The following SLCO1A2 variants were observed in gnomAD, a reference collection of about 807,000 sequenced individuals.
The protein encoded by SLCO1A2 is solute carrier organic anion transporter family member 1A2.
In SLCO1A2, 67 loss-of-function variants were observed where a neutral mutation model predicts 69.0. The observed-to-expected ratio is 0.97, with a 90% CI of 0.80 to 1.19. The LOEUF (loss-of-function observed/expected upper bound fraction) is 1.19, where lower values mean the gene tolerates loss of function less well. Among genes scored for constraint, SLCO1A2 ranks in the 50% most tolerant of loss-of-function variants. The probability of loss-of-function intolerance (pLI) is 0.00; values close to 1 mark genes in which losing one functional copy is unlikely to be tolerated. For synonymous variants in SLCO1A2, 260 were observed against 265.9 expected, an observed-to-expected ratio of 0.98 and a Z score of 0.22; for missense variants, 787 against 793.7, an observed-to-expected ratio of 0.99 and a Z score of 0.10.
At chr12:21,338,403 G>A (rs1490849703), upstream of SLCO1A2, among the ~76,000 whole-genome samples, 1 of 151,680 alleles carries the variant, frequency 6.6e-6, no homozygotes, top group Non-Finnish European at 1.5e-5. Context: ...GATCATCCTG[G>A]CCTTCAGTCA....
At chr12:21,407,372 T>C (rs1941837754) in intron 1 of SLCO1A2, among the ~76,000 whole-genome samples, 1 of 152,174 alleles carries the variant, frequency 6.6e-6, no homozygotes, top group African/African-American at 2.4e-5. Context: ...CAAGATGCAG[T>C]TGGAGCGTTG....
intron 9 of SLCO1A2, 44 bp downstream of exon 9, chr12:21,297,360 T>TG (rs761983636): frequency 3.2e-5 from 49 of 1,525,846 alleles, no homozygotes; most frequent in Middle Eastern, 1.7e-4. Context: ...ACACTGTTCG[T>TG]GGGGGGGAAA....
intron 13 of SLCO1A2, 118 bp from the exon 14 acceptor site, chr12:21,274,704 G>T: frequency 2.6e-6 from 2 of 770,644 alleles, no homozygotes; most frequent in East Asian, 2.6e-5. Context: ...AAATCTAATG[G>T]TCTAAATTTT....
At chr12:21,379,183 G>C (rs1478662198) in intron 1 of SLCO1A2, 1 of 152,204 alleles carries the variant, frequency 6.6e-6, no homozygotes, top group Non-Finnish European at 1.5e-5. Flanking sequence ...TGAAATGACA[G>C]AATGCTGTTT....
chr12:21,391,632 G>A (rs1024323706), intron 1 of SLCO1A2, among the ~76,000 whole-genome samples: 3 of 151,814 alleles, frequency 2.0e-5, no homozygotes, highest in African/African-American at 7.3e-5. Context: ...AAAGAAGCTA[G>A]TTCTTCCTCC....
intron 2 of SLCO1A2, among the ~76,000 whole-genome samples, chr12:21,329,241 T>C (rs1039719437): frequency 6.6e-6 from 1 of 152,212 alleles, no homozygotes; most frequent in African/African-American, 2.4e-5. Flanking sequence ...ACAATTACTT[T>C]GCATTATACC....
chr12:21,417,010 T>C (rs1390479771), intron 1 of SLCO1A2, among the ~76,000 whole-genome samples: 1 of 152,138 alleles, frequency 6.6e-6, no homozygotes, highest in Admixed American at 6.5e-5. Context: ...ATTGAGAATG[T>C]TGAGTCTTTG....
At chr12:21,313,204 A>G (rs971755184) in intron 4 of SLCO1A2, among the ~76,000 whole-genome samples, 2 of 152,230 alleles carry the variant, frequency 1.3e-5, no homozygotes, top group African/African-American at 4.8e-5. Context: ...ATACAAAAAT[A>G]ATGCAAAAGT....
At chr12:21,416,121 A>T (rs1296212794) in intron 1 of SLCO1A2, among the ~76,000 whole-genome samples, 1 of 152,076 alleles carries the variant, frequency 6.6e-6, no homozygotes, top group East Asian at 1.9e-4. Flanking sequence ...TTAATTTTTT[A>T]TAACTTCTAA....
intron 3 of SLCO1A2, among the ~76,000 whole-genome samples, chr12:21,315,353 T>C (rs1401927760): frequency 2.0e-5 from 3 of 152,214 alleles, no homozygotes; most frequent in Non-Finnish European, 2.9e-5. Flanking sequence ...GACGAAGCTT[T>C]AGAATAAAGA....
intron 6 of SLCO1A2, among the ~76,000 whole-genome samples, chr12:21,301,546 T>G (rs1948717025): frequency 6.6e-6 from 1 of 152,262 alleles, no homozygotes; most frequent in East Asian, 1.9e-4. Flanking sequence ...GCACAGGCAG[T>G]CCCAGCTGGG....
upstream of SLCO1A2, among the ~76,000 whole-genome samples, chr12:21,338,545 G>A (rs376263858): frequency 1.9e-4 from 29 of 151,856 alleles, no homozygotes; most frequent in South Asian, 6.0e-3. Flanking sequence ...GCTATATTCG[G>A]AATTGAGCCC....
chr12:21,394,501 C>A (rs1333942281), intron 1 of SLCO1A2, among the ~76,000 whole-genome samples: 1 of 148,794 alleles, frequency 6.7e-6, no homozygotes, highest in Non-Finnish European at 1.5e-5. Context: ...GTGATCGTAC[C>A]ACCACACTCC....
chr12:21,282,274 T>A (rs1052259484), intron 12 of SLCO1A2, among the ~76,000 whole-genome samples: 3 of 152,094 alleles, frequency 2.0e-5, no homozygotes, highest in African/African-American at 2.4e-5. Context: ...CAAGAATAGT[T>A]CAACATATGC....
chr12:21,299,751 G>C (rs1948301344), intron 8 of SLCO1A2, among the ~76,000 whole-genome samples: 1 of 134,730 alleles, frequency 7.4e-6, no homozygotes, highest in African/African-American at 2.7e-5. Flanking sequence ...TGAGCAAATG[G>C]GACCATATAT....
At chr12:21,401,655 T>G (rs1274172226) in intron 1 of SLCO1A2, among the ~76,000 whole-genome samples, 1 of 151,870 alleles carries the variant, frequency 6.6e-6, no homozygotes, top group Non-Finnish European at 1.5e-5. Flanking sequence ...TTATTTCTAC[T>G]TTTTTGTTTG....
intron 1 of SLCO1A2, among the ~76,000 whole-genome samples, chr12:21,408,036 T>C (rs1941850084): frequency 1.3e-5 from 2 of 152,122 alleles, no homozygotes; most frequent in African/African-American, 2.4e-5. Flanking sequence ...GAAGTCTTTC[T>C]ATAGGGGGAA....
At chr12:21,367,308 C>A (rs1032477170) in intron 2 of SLCO1A2, among the ~76,000 whole-genome samples, 10 of 151,930 alleles carry the variant, frequency 6.6e-5, no homozygotes, top group Admixed American at 6.6e-4. Context: ...AAAATAAGGA[C>A]ATAAATCAAG....
Position 21,350,835 on chromosome 12 carries a change from C to CAAAAAAAAA in SLCO1A2, c.-62-16135_-62-16127dup, listed in dbSNP as rs11454466. 2.2e-4 allele frequency among the ~76,000 whole-genome samples: 9 copies of CAAAAAAAAA among 40,732 alleles called. 2 individuals are homozygous for CAAAAAAAAA. The highest frequency in any genetic ancestry group is 2.8e-3 in the East Asian group (2 of 702). 26.7% of individuals were successfully genotyped at this position (40,732 alleles called of 152,430 possible). ...CTGGTGACAGAGCAAGACTCTGTCTCAAAAAAAAAAAAAAAAAAAAAAAAA... is the reference window on the plus strand; with the variant it reads ...CTGGTGACAGAGCAAGACTCTGTCTCAAAAAAAAAAAAAAAAAAAAAAAAAAAAAAAAAA... On this transcript the variant is annotated intron_variant, in intron 2 of 15. Transcript: ENST00000307378.
Sources: allele counts gnomAD v4.1 joint callset (sites outside exome capture counted in the v4.1 genomes callset), GRCh38; gene constraint gnomAD v4.1.1; transcripts MANE v1.5; gene names NCBI Gene and HGNC (gene_info 2026-07-23, HGNC 2026-07-21).